The following PCDH17 variants were observed in gnomAD, a reference collection of about 807,000 sequenced individuals.
The protein encoded by PCDH17 is protocadherin 17.
PCDH17 carries 21 observed loss-of-function variants against 67.7 expected under a neutral mutation model. The ratio of observed to expected loss-of-function variants is 0.31; its 90% CI spans 0.22 to 0.45. PCDH17 has a LOEUF of 0.45. PCDH17 is among the 20% of genes least tolerant of loss of function. PCDH17 has a pLI of 1.00. For synonymous variants in PCDH17, 701 were observed against 656.7 expected (o/e 1.07, Z -1.03); for missense variants, 1,471 against 1,564.8 (o/e 0.94, Z 1.01).
chr13:57,678,462 A>C (rs1955416008), intron 3 of PCDH17, among the ~76,000 whole-genome samples: 1 of 151,750 alleles, frequency 6.6e-6, no homozygotes, highest in Non-Finnish European at 1.5e-5. Context: ...GCTTTAAAGT[A>C]AAGATAAACT....
chr13:57,632,263 AC>A lies in PCDH17; in HGVS notation c.-279del, dbSNP rs1954734889. 6 of 484,850 alleles carry A rather than the reference AC, an allele frequency of 1.2e-5. No homozygotes were observed. The highest frequency in any genetic ancestry group is 2.9e-5 in the South Asian group (1 of 35,062). The allele number at this position is 484,850 out of a possible 1,614,324, so 30.0% of individuals were successfully genotyped here. A position where few individuals can be genotyped will look rare whatever the true frequency, so the allele number is the denominator to read the frequency against. On this transcript the variant is annotated 5_prime_UTR_variant, in exon 1 of 4. Transcript: ENST00000377918. Reference sequence around the variant, plus strand: ...GCGGGAGAGACGAAACCCCTGGCTCACCCCCAGCCGCAGGAAGCCACCGCCT... The same window carrying A: ...GCGGGAGAGACGAAACCCCTGGCTCACCCCAGCCGCAGGAAGCCACCGCCT...
Position 57,632,470 on chromosome 13 carries a change from A to G in PCDH17, c.-77A>G. The G allele has an allele frequency of 6.9e-7, 1 of 1,448,244 alleles. No individual in the cohort carries two copies. The highest frequency in any genetic ancestry group is 9.3e-7 in the Non-Finnish European group (1 of 1,077,286). The allele number at this position is 1,448,244 out of a possible 1,614,324, so 89.7% of individuals were successfully genotyped here. A position where few individuals can be genotyped will look rare whatever the true frequency, so the allele number is the denominator to read the frequency against. Reference sequence around the variant, plus strand: ...TCGCGTCGCGCGCGCACGCTGCGCCAGGGCCCCAGGCTGGCGCGCACTCCC... The same window carrying G: ...TCGCGTCGCGCGCGCACGCTGCGCCGGGGCCCCAGGCTGGCGCGCACTCCC... On this transcript the variant is annotated 5_prime_UTR_variant, in exon 1 of 4. Transcript: ENST00000377918.
chr13:57,639,972 C>G (rs902972589), intron 1 of PCDH17, among the ~76,000 whole-genome samples: 41 of 151,810 alleles, frequency 2.7e-4, no homozygotes, highest in Non-Finnish European at 5.9e-4. Flanking sequence ...AAAGTTGATG[C>G]TATAACATAT....
chr13:57,675,680 G>A (rs958009694), intron 3 of PCDH17, among the ~76,000 whole-genome samples: 4 of 151,980 alleles, frequency 2.6e-5, no homozygotes, highest in African/African-American at 7.2e-5. Flanking sequence ...GCAAGTTGCT[G>A]TGAGGTGCAG....
chr13:57,695,411 G>T (rs1955597471), intron 3 of PCDH17, among the ~76,000 whole-genome samples: 1 of 123,930 alleles, frequency 8.1e-6, no homozygotes. Context: ...TGAAGTTACA[G>T]ATAAAATGAG....
chr13:57,693,346 C>T (rs867446234), intron 3 of PCDH17, among the ~76,000 whole-genome samples: 7 of 49,756 alleles, frequency 1.4e-4, no homozygotes, highest in Non-Finnish European at 2.0e-4. Context: ...ATATATATAT[C>T]AAGGAGTTAG....
chr13:57,675,431 T>C (rs774983312), intron 3 of PCDH17, among the ~76,000 whole-genome samples: 1 of 151,904 alleles, frequency 6.6e-6, no homozygotes, highest in African/African-American at 2.4e-5. Context: ...AGACTGGGTT[T>C]TCAGGGAGCT....
At chr13:57,641,074 TC>T (rs1272907007) in intron 1 of PCDH17, among the ~76,000 whole-genome samples, 1 of 151,902 alleles carries the variant, frequency 6.6e-6, no homozygotes, top group Non-Finnish European at 1.5e-5. Context: ...AGCATAAAGT[TC>T]CTTTTGCCTA....
intron 3 of PCDH17, among the ~76,000 whole-genome samples, chr13:57,704,682 G>T (rs1955702149): frequency 6.6e-6 from 1 of 151,838 alleles, no homozygotes; most frequent in Non-Finnish European, 1.5e-5. Context: ...AATAAAACAT[G>T]TATTGATTTT....
At chr13:57,673,018 G>C (rs900877449) in intron 3 of PCDH17, among the ~76,000 whole-genome samples, 3 of 151,978 alleles carry the variant, frequency 2.0e-5, no homozygotes, top group Non-Finnish European at 4.4e-5. Context: ...CTATGTGTAA[G>C]TGTGCATTTG....
chr13:57,636,780 CAT>C (rs1566215818), intron 1 of PCDH17, among the ~76,000 whole-genome samples: 2 of 152,066 alleles, frequency 1.3e-5, no homozygotes, highest in African/African-American at 2.4e-5. Flanking sequence ...TATAAATACA[CAT>C]ATGTTAAATA....
chr13:57,645,017 G>A (rs932074258), intron 1 of PCDH17, among the ~76,000 whole-genome samples: 1 of 151,558 alleles, frequency 6.6e-6, no homozygotes, highest in East Asian at 1.9e-4. Context: ...ATTTTAAAGT[G>A]CAGTAAAAAA....
intron 1 of PCDH17, among the ~76,000 whole-genome samples, chr13:57,643,549 G>C (rs1954929317): frequency 6.6e-6 from 1 of 151,522 alleles, no homozygotes; most frequent in Non-Finnish European, 1.5e-5. Flanking sequence ...GGTCCCACCA[G>C]AATTCATGCC....
At position 57,658,593 on chromosome 13, in the gene PCDH17, T is replaced by C. The variant is rs550272680; in HGVS notation, c.2566-7875T>C. ...ATTGAATCTTGGATATTGTGAATCT[T>C]ACATTGTTGATGCTGGATTTGGGAC... On this transcript the variant is annotated intron_variant, in intron 1 of 3. Coordinates refer to ENST00000377918, the MANE Select transcript of PCDH17 (RefSeq NM_001040429.3). Among the ~76,000 whole-genome samples the C allele has an allele frequency of 5.9e-5, 9 of 152,272 alleles. 1 individual carries two copies. In the South Asian group the frequency reaches 1.7e-3, roughly 28 times the overall value.
chr13:57,674,641 T>C (rs1338276822), intron 3 of PCDH17, among the ~76,000 whole-genome samples: 2 of 151,946 alleles, frequency 1.3e-5, no homozygotes, highest in Non-Finnish European at 2.9e-5. Context: ...TATTTTTTAT[T>C]AAGAAAAATC....
intron 3 of PCDH17, among the ~76,000 whole-genome samples, chr13:57,688,894 G>A (rs1160557113): frequency 6.6e-6 from 1 of 151,996 alleles, no homozygotes; most frequent in African/African-American, 2.4e-5. Context: ...AACATATGGA[G>A]AAGTTTTGCT....
intron 3 of PCDH17, among the ~76,000 whole-genome samples, chr13:57,685,564 A>G (rs1301213938): frequency 2.0e-5 from 3 of 152,026 alleles, no homozygotes; most frequent in Non-Finnish European, 4.4e-5. Flanking sequence ...AGTTATGAAT[A>G]CCAGTCTAAA....
At chr13:57,686,967 T>C (rs901097355) in intron 3 of PCDH17, among the ~76,000 whole-genome samples, 6 of 152,020 alleles carry the variant, frequency 3.9e-5, no homozygotes, top group African/African-American at 1.4e-4. Flanking sequence ...GCATTTTCTC[T>C]TAAGAACATA....
chr13:57,640,965 A>G (rs1954884983), intron 1 of PCDH17, among the ~76,000 whole-genome samples: 3 of 152,108 alleles, frequency 2.0e-5, no homozygotes, highest in African/African-American at 7.2e-5. Flanking sequence ...TAAATCCCAT[A>G]GGGCATTATC....
Sources: gnomAD v4.1 joint callset for allele counts (sites outside exome capture counted in the v4.1 genomes callset) on GRCh38, gnomAD v4.1.1 for gene constraint, MANE v1.5 for transcripts, NCBI Gene and HGNC (gene_info 2026-07-23, HGNC 2026-07-21) for gene names.